The following PDGFD variants were observed in gnomAD, a reference collection of about 807,000 sequenced individuals.
The protein encoded by PDGFD is platelet derived growth factor D, also known as platelet-derived growth factor D.
A neutral mutation model predicts 44.7 loss-of-function variants in PDGFD; 30 were observed. The observed-to-expected ratio is 0.67, with a 90% CI of 0.50 to 0.91. The LOEUF (loss-of-function observed/expected upper bound fraction) is 0.91, where lower values mean the gene tolerates loss of function less well. PDGFD is among the 40% of genes least tolerant of loss of function. PDGFD has a pLI of 0.00. For missense variants in PDGFD, 445 were observed against 457.8 expected, an observed-to-expected ratio of 0.97 and a Z score of 0.25; for synonymous variants, 173 against 168.4, an observed-to-expected ratio of 1.03 and a Z score of -0.21.
intron 6 of PDGFD, among the ~76,000 whole-genome samples, chr11:103,921,289 A>C (rs372014825): frequency 1.3e-5 from 2 of 152,176 alleles, no homozygotes; most frequent in African/African-American, 4.8e-5. Context: ...TATAATCATG[A>C]CCCAAAAACT....
At chr11:103,963,715 T>C (rs1591097334) in intron 3 of PDGFD, among the ~76,000 whole-genome samples, 1 of 152,176 alleles carries the variant, frequency 6.6e-6, no homozygotes, top group Non-Finnish European at 1.5e-5. Flanking sequence ...TTTTATTTAA[T>C]ATAGTCTTCA....
chr11:104,062,871 A>G lies in PDGFD; in HGVS notation c.125-62616T>C, dbSNP rs1442222641. ...TGCAGCCTTCTCTAGAGATACAAAT[A>G]TAGAGTAACTGTCAGTGCTATTAAT... is the stretch of plus-strand genomic sequence containing the variant. On this transcript the variant is annotated intron_variant, in intron 1 of 6. Transcript: ENST00000393158. Among the ~76,000 whole-genome samples the G allele has an allele frequency of 3.9e-5, 6 of 152,242 alleles. No homozygotes were observed. The East Asian group carries it at 7.7e-4, about 20-fold the overall frequency.
At chr11:104,036,723 C>A in intron 1 of PDGFD, 1 of 910,318 alleles carries the variant, frequency 1.1e-6, no homozygotes, top group Non-Finnish European at 1.7e-6. Flanking sequence ...CCCTACCTAC[C>A]AAGTCCTGAG....
chr11:104,113,509 C>T (rs1044890341), intron 1 of PDGFD, among the ~76,000 whole-genome samples: 1 of 151,798 alleles, frequency 6.6e-6, no homozygotes, highest in Non-Finnish European at 1.5e-5. Flanking sequence ...TATCCATTCA[C>T]CTATGTACAC....
intron 1 of PDGFD, among the ~76,000 whole-genome samples, chr11:104,057,003 C>T (rs964074188): frequency 4.6e-5 from 7 of 152,078 alleles, no homozygotes; most frequent in Non-Finnish European, 7.4e-5. Flanking sequence ...TGGTGCATGC[C>T]TGCAGTCCCA....
chr11:104,064,752 T>C (rs910249238), intron 1 of PDGFD, among the ~76,000 whole-genome samples: 23 of 151,906 alleles, frequency 1.5e-4, no homozygotes, highest in African/African-American at 4.8e-4. Context: ...ATTCCATAAA[T>C]GTCTCCTTTT....
chr11:104,147,815 A>C (rs1177997189), intron 1 of PDGFD, among the ~76,000 whole-genome samples: 2 of 152,206 alleles, frequency 1.3e-5, no homozygotes, highest in Admixed American at 1.3e-4. Flanking sequence ...CACATTACAA[A>C]TACAAATAAT....
At chr11:103,926,678 T>G (rs534397204) in intron 6 of PDGFD, among the ~76,000 whole-genome samples, 1 of 152,322 alleles carries the variant, frequency 6.6e-6, no homozygotes, top group East Asian at 1.9e-4. Context: ...TTGATGTTGA[T>G]CCACATGGTG....
At chr11:104,113,772 C>A (rs1861594451) in intron 1 of PDGFD, among the ~76,000 whole-genome samples, 1 of 152,046 alleles carries the variant, frequency 6.6e-6, no homozygotes, top group Non-Finnish European at 1.5e-5. Flanking sequence ...ACATTCTTGT[C>A]AGCATTTGGT....
intron 3 of PDGFD, among the ~76,000 whole-genome samples, chr11:103,977,637 T>C (rs549673075): frequency 1.3e-5 from 2 of 152,186 alleles, no homozygotes; most frequent in South Asian, 2.1e-4. Context: ...CTCTTGACAG[T>C]GATAATATAT....
chr11:104,048,376 CATTT>C (rs888766805), intron 1 of PDGFD, among the ~76,000 whole-genome samples: 2 of 151,810 alleles, frequency 1.3e-5, no homozygotes, highest in African/African-American at 4.8e-5. Context: ...TTCTGCCATT[CATTT>C]ATTTTTCTAC....
At chr11:103,945,364 C>G (rs1035181686) in intron 4 of PDGFD, among the ~76,000 whole-genome samples, 5 of 152,136 alleles carry the variant, frequency 3.3e-5, no homozygotes, top group African/African-American at 1.2e-4. Context: ...TTTCACATCT[C>G]TCTTGAGGTC....
At chr11:104,055,701 T>C (rs935779113) in intron 1 of PDGFD, among the ~76,000 whole-genome samples, 2 of 152,214 alleles carry the variant, frequency 1.3e-5, no homozygotes, top group South Asian at 4.1e-4. Flanking sequence ...AGTGACATAA[T>C]AGATATTGAT....
At chr11:103,928,792 T>G (rs989619547) in intron 5 of PDGFD, among the ~76,000 whole-genome samples, 2 of 152,134 alleles carry the variant, frequency 1.3e-5, no homozygotes, top group Admixed American at 6.5e-5. Context: ...AAGGAACCAT[T>G]TTATTGCTGC....
chr11:104,161,902 G>A (rs1862392858), intron 1 of PDGFD, among the ~76,000 whole-genome samples: 1 of 151,868 alleles, frequency 6.6e-6, no homozygotes, highest in Non-Finnish European at 1.5e-5. Flanking sequence ...CTTGTAAGAT[G>A]ACATTGACAT....
chr11:103,979,395 T>C (rs1188393472), intron 3 of PDGFD, among the ~76,000 whole-genome samples: 2 of 152,032 alleles, frequency 1.3e-5, no homozygotes, highest in African/African-American at 4.8e-5. Flanking sequence ...TTGGACAGAA[T>C]TTATTTTCTC....
rs1861004974 is a variant in PDGFD at position 104,078,844 on chromosome 11, ATACCATATT to A, written c.125-78598_125-78590del. Among the ~76,000 whole-genome samples, 2 of 134,440 alleles carry A rather than the reference ATACCATATT, an allele frequency of 1.5e-5. 1 individual carries two copies. The highest frequency in any genetic ancestry group is 4.6e-4 in the South Asian group (2 of 4,326). 88.2% of individuals were successfully genotyped at this position (134,440 alleles called of 152,430 possible). ...ATTTACCAATGAGGGAAGAAAGATT[ATACCATATT>A]ATTTATTTACTTTATATACTTTATA... On this transcript the variant is annotated intron_variant, in intron 1 of 6. Transcript: ENST00000393158.
chr11:104,076,595 A>T (rs1376529535), intron 1 of PDGFD, among the ~76,000 whole-genome samples: 1 of 152,154 alleles, frequency 6.6e-6, no homozygotes, highest in Non-Finnish European at 1.5e-5. Context: ...TGAATCTCCC[A>T]GGAAGCTTTG....
intron 1 of PDGFD, among the ~76,000 whole-genome samples, chr11:104,011,426 A>T (rs2134374979): frequency 6.6e-6 from 1 of 152,234 alleles, no homozygotes; most frequent in African/African-American, 2.4e-5. Context: ...GTATGGCTTC[A>T]GTGCTATTTA....
Sources: allele counts gnomAD v4.1 joint callset (sites outside exome capture counted in the v4.1 genomes callset), GRCh38; gene constraint gnomAD v4.1.1; transcripts MANE v1.5; gene names NCBI Gene and HGNC (gene_info 2026-07-23, HGNC 2026-07-21).